FBXW7: variants seen among roughly 807,000 people sequenced by gnomAD.
The protein encoded by FBXW7 is F-box/WD repeat-containing protein 7.
A neutral mutation model predicts 86.3 loss-of-function variants in FBXW7; 11 were observed. The ratio of observed to expected loss-of-function variants is 0.13; its 90% CI spans 0.08 to 0.21. The LOEUF (loss-of-function observed/expected upper bound fraction) is 0.21, where lower values mean the gene tolerates loss of function less well. FBXW7 is among the 10% of genes least tolerant of loss of function. FBXW7 has a pLI of 1.00. For synonymous variants in FBXW7, 313 were observed against 297.9 expected (o/e 1.05, Z -0.52); for missense variants, 488 against 847.4 (o/e 0.58, Z 5.27).
chr4:152,518,239 T>G (rs1748688302), intron 2 of FBXW7, among the ~76,000 whole-genome samples: 1 of 152,172 alleles, frequency 6.6e-6, no homozygotes, highest in African/African-American at 2.4e-5. Context: ...TCCACCCGCC[T>G]TGGACTCCCA....
Position 152,412,275 on chromosome 4 carries a change from A to G in FBXW7, c.-70+205T>C, listed in dbSNP as rs141425445. On this transcript the variant is annotated intron_variant, in intron 3 of 13. Coordinates refer to ENST00000281708, the MANE Select transcript of FBXW7 (RefSeq NM_001349798.2). The stretch of plus-strand genomic sequence containing the variant: ...CAAAAAAAATTTTCAGTGTTCAGTT[A>G]ATTTGGGAAATGCTGAGGTAAATCA... 3.0e-4 allele frequency among the ~76,000 whole-genome samples: 45 copies of G among 152,276 alleles called. 1 individual carries two copies. In the East Asian group the frequency reaches 6.2e-3, roughly 21 times the overall value.
chr4:152,425,436 T>C (rs1739293475), intron 2 of FBXW7, among the ~76,000 whole-genome samples: 2 of 152,186 alleles, frequency 1.3e-5, no homozygotes, highest in Non-Finnish European at 2.9e-5. Context: ...AGTACTTCAA[T>C]ACCCACCTTA....
intron 4 of FBXW7, among the ~76,000 whole-genome samples, chr4:152,405,342 A>G (rs1737318568): frequency 6.6e-6 from 1 of 152,160 alleles, no homozygotes. Context: ...TTCTAAATCT[A>G]GGAAGGTATT....
At chr4:152,379,526 GT>G (rs1042557686) in intron 4 of FBXW7, among the ~76,000 whole-genome samples, 2 of 151,786 alleles carry the variant, frequency 1.3e-5, no homozygotes, top group East Asian at 3.9e-4. Flanking sequence ...TCTAATTTTA[GT>G]TTTTTTTCAG....
intron 2 of FBXW7, among the ~76,000 whole-genome samples, chr4:152,534,385 TAC>T (rs1750286381): frequency 6.6e-6 from 1 of 152,202 alleles, no homozygotes. Context: ...TGACATCTGT[TAC>T]AGTGTCCTCC....
intron 2 of FBXW7, among the ~76,000 whole-genome samples, chr4:152,431,951 T>C (rs1004058263): frequency 1.3e-5 from 2 of 152,208 alleles, no homozygotes; most frequent in Non-Finnish European, 2.9e-5. Context: ...TACTTGCTAC[T>C]CTTCAGAGTC....
intron 2 of FBXW7, among the ~76,000 whole-genome samples, chr4:152,418,181 G>A (rs1386632825): frequency 6.7e-6 from 1 of 148,598 alleles, no homozygotes; most frequent in African/African-American, 2.5e-5. Context: ...CTTAGCAGTG[G>A]AAAACTTCTC....
chr4:152,445,932 AAAAAAAAAAAC>A (rs1741345480), intron 2 of FBXW7, among the ~76,000 whole-genome samples: 1 of 149,980 alleles, frequency 6.7e-6, no homozygotes, highest in African/African-American at 2.4e-5. Flanking sequence ...AAAAAAAAAA[AAAAAAAAAAAC>A]CAAAGTGCTT....
At chr4:152,341,780 C>A (rs1730764029) in intron 6 of FBXW7, among the ~76,000 whole-genome samples, 1 of 152,136 alleles carries the variant, frequency 6.6e-6, no homozygotes, top group South Asian at 2.1e-4. Flanking sequence ...AACATGAAAA[C>A]CTTGCAGCTA....
chr4:152,461,653 C>T (rs1742955032), intron 2 of FBXW7, among the ~76,000 whole-genome samples: 1 of 152,130 alleles, frequency 6.6e-6, no homozygotes, highest in East Asian at 1.9e-4. Flanking sequence ...ATTTTCTTTA[C>T]CTGAAAATGA....
chr4:152,509,310 T>A (rs1747742499), intron 2 of FBXW7, among the ~76,000 whole-genome samples: 1 of 152,130 alleles, frequency 6.6e-6, no homozygotes, highest in Non-Finnish European at 1.5e-5. Context: ...TTTGGGAACT[T>A]GAATGAAGGG....
At chr4:152,449,606 A>G (rs1376435067) in intron 2 of FBXW7, among the ~76,000 whole-genome samples, 1 of 152,220 alleles carries the variant, frequency 6.6e-6, no homozygotes, top group African/African-American at 2.4e-5. Context: ...GTAAAAAGCC[A>G]TCAAAAACCT....
chr4:152,468,342 T>C (rs1302521349), intron 2 of FBXW7, among the ~76,000 whole-genome samples: 1 of 151,934 alleles, frequency 6.6e-6, no homozygotes, highest in Non-Finnish European at 1.5e-5. Context: ...AAAGCGCTCC[T>C]AATAGCCAAA....
intron 4 of FBXW7, among the ~76,000 whole-genome samples, chr4:152,376,042 G>GC (rs1467012543): frequency 6.6e-6 from 1 of 152,034 alleles, no homozygotes; most frequent in African/African-American, 2.4e-5. Context: ...AATTAAAGTG[G>GC]CAGTTTTGTT....
chr4:152,456,075 C>T (rs1184981412), intron 2 of FBXW7, among the ~76,000 whole-genome samples: 1 of 151,452 alleles, frequency 6.6e-6, no homozygotes, highest in Admixed American at 6.6e-5. Context: ...GTGTATTCAT[C>T]AAAATAAAAG....
At chr4:152,484,837 C>G (rs966134730) in intron 2 of FBXW7, among the ~76,000 whole-genome samples, 1 of 152,044 alleles carries the variant, frequency 6.6e-6, no homozygotes, top group African/African-American at 2.4e-5. Flanking sequence ...TGGCAAGCAC[C>G]TGTAATCCCA....
chr4:152,383,905 T>A (rs909876015), intron 4 of FBXW7, among the ~76,000 whole-genome samples: 2 of 152,036 alleles, frequency 1.3e-5, no homozygotes, highest in African/African-American at 2.4e-5. Context: ...ATGTAAATGG[T>A]CAATAGGCAC....
intron 2 of FBXW7, among the ~76,000 whole-genome samples, chr4:152,500,538 A>AT (rs1055624622): frequency 5.3e-5 from 8 of 151,326 alleles, no homozygotes; most frequent in Admixed American, 5.3e-4. Context: ...AAAATTACAT[A>AT]TAATCCTTTT....
chr4:152,484,916 C>T (rs151226518), intron 2 of FBXW7, among the ~76,000 whole-genome samples: 2,402 of 148,594 alleles, frequency 0.016, 77 homozygotes, highest in African/African-American at 0.057. Context: ...GAGCTGAGAT[C>T]GCGCCACTGC....
Sources: allele counts gnomAD v4.1 joint callset (sites outside exome capture counted in the v4.1 genomes callset), GRCh38; gene constraint gnomAD v4.1.1; transcripts MANE v1.5; gene names NCBI Gene and HGNC (gene_info 2026-07-23, HGNC 2026-07-21).